The following ARHGAP21 variants were observed in gnomAD, a reference collection of about 807,000 sequenced individuals.
The protein encoded by ARHGAP21 is rho GTPase-activating protein 21.
In ARHGAP21, 38 loss-of-function variants were observed where a neutral mutation model predicts 164.6. That is an observed-to-expected ratio of 0.23 (90% CI 0.18 to 0.30). The LOEUF (loss-of-function observed/expected upper bound fraction) is 0.30, where lower values mean the gene tolerates loss of function less well. ARHGAP21 is among the 10% of genes least tolerant of loss of function. The probability of loss-of-function intolerance (pLI) is 1.00; values close to 1 mark genes in which losing one functional copy is unlikely to be tolerated. For missense variants in ARHGAP21, 1,822 were observed against 2,370.7 expected (o/e 0.77, Z 4.81); for synonymous variants, 766 against 857.9 (o/e 0.89, Z 1.87).
chr10:24,694,404 G>A (rs979353336), intron 2 of ARHGAP21, among the ~76,000 whole-genome samples: 22 of 152,328 alleles, frequency 1.4e-4, no homozygotes, highest in East Asian at 7.7e-4. Flanking sequence ...GTGGCTCCCC[G>A]TGCCTAGACT....
At chr10:24,682,323 T>G (rs868363741) in intron 2 of ARHGAP21, among the ~76,000 whole-genome samples, 2 of 152,214 alleles carry the variant, frequency 1.3e-5, no homozygotes, top group South Asian at 4.1e-4. Flanking sequence ...TGTGAGGAAT[T>G]TGTCAAAAAT....
rs558638555 is a variant in ARHGAP21, at chr10:24,721,606, G to A, written c.63+231C>T. ...CTCTGAGAAGGGGTGACCAAGATGA[G>A]GACATTCCAAACTGCGGGACATGTT... On this transcript the variant is annotated intron_variant, in intron 2 of 25. Coordinates refer to ENST00000396432, the MANE Select transcript of ARHGAP21 (RefSeq NM_020824.4). Among the ~76,000 whole-genome samples, 149 of 152,320 alleles carry A rather than the reference G, an allele frequency of 9.8e-4. 2 individuals carry two copies. In the South Asian group the frequency reaches 0.028, roughly 29 times the overall value.
intron 14 of ARHGAP21, 73 bp downstream of exon 14, chr10:24,600,568 TATATC>T (rs1267272470): frequency 1.6e-5 from 24 of 1,459,320 alleles, no homozygotes; most frequent in African/African-American, 1.3e-4. Context: ...ATAAAAATGA[TATATC>T]ATATTCCTTA....
chr10:24,668,971 AT>A (rs1565133303), intron 3 of ARHGAP21, among the ~76,000 whole-genome samples: 1 of 152,214 alleles, frequency 6.6e-6, no homozygotes, highest in African/African-American at 2.4e-5. Context: ...AAGTGCTCTC[AT>A]ATGTGACCTA....
At chr10:24,677,151 C>T (rs1050248337) in intron 2 of ARHGAP21, among the ~76,000 whole-genome samples, 44 of 152,222 alleles carry the variant, frequency 2.9e-4, no homozygotes, top group Middle Eastern at 3.4e-3. Context: ...ACCCAGGAGG[C>T]GGAGGTTGCA....
intron 2 of ARHGAP21, among the ~76,000 whole-genome samples, chr10:24,692,664 T>C (rs1842847101): frequency 6.6e-6 from 1 of 152,018 alleles, no homozygotes; most frequent in African/African-American, 2.4e-5. Context: ...GAACCCCATC[T>C]CTACTAAAAA....
intron 11 of ARHGAP21, among the ~76,000 whole-genome samples, chr10:24,606,370 A>C (rs983903038): frequency 5.2e-4 from 79 of 152,326 alleles, no homozygotes; most frequent in African/African-American, 1.8e-3. Context: ...AATAGTCAAA[A>C]AATATAAAAA....
chr10:24,603,248 G>A (rs909797632), intron 12 of ARHGAP21, among the ~76,000 whole-genome samples: 1 of 152,112 alleles, frequency 6.6e-6, no homozygotes, highest in African/African-American at 2.4e-5. Flanking sequence ...AGAAGGAAGA[G>A]CAAGAAAGTG....
At chr10:24,634,088 T>A (rs1836134046) in intron 5 of ARHGAP21, among the ~76,000 whole-genome samples, 1 of 151,944 alleles carries the variant, frequency 6.6e-6, no homozygotes, top group South Asian at 2.1e-4. Context: ...GTACTTTTTG[T>A]GTGCTTATCA....
rs144410501 is a variant in ARHGAP21, at chr10:24,709,770, C to CACA, written c.63+12064_63+12066dup. On this transcript the variant is annotated intron_variant, in intron 2 of 25. Transcript: ENST00000396432. The stretch of plus-strand genomic sequence containing the variant: ...AAAAAAAAAACAATCCAGACAAGGA[C>CACA]ACAACAACAACAACAACAACAACAA... Among the ~76,000 whole-genome samples the CACA allele has an allele frequency of 4.0e-3, 602 of 148,816 alleles. 2 individuals are homozygous for CACA. Among genetic ancestry groups the CACA allele is most frequent in the African/African-American group, 0.012 (473 of 40,494 alleles).
At chr10:24,690,470 T>C (rs910214133) in intron 2 of ARHGAP21, among the ~76,000 whole-genome samples, 1 of 152,168 alleles carries the variant, frequency 6.6e-6, no homozygotes, top group African/African-American at 2.4e-5. Flanking sequence ...TATTCTTTCA[T>C]TACTAGTGAG....
At position 24,584,022 on chromosome 10, in the gene ARHGAP21, A is replaced by G. The variant is rs753295763; in HGVS notation, c.*390T>C. On this transcript the variant is annotated 3_prime_UTR_variant, in exon 26 of 26. Coordinates refer to ENST00000396432, the MANE Select transcript of ARHGAP21 (RefSeq NM_020824.4). ...TTCGTTTATTCAATGTAAGTAAGTT[A>G]TCTAATTTTAACAATATGGCACCCT... 2 of 152,878 alleles carry G rather than the reference A, an allele frequency of 1.3e-5. No individual in the cohort carries two copies. The highest frequency in any genetic ancestry group is 2.9e-5 in the Non-Finnish European group (2 of 68,242). The allele number at this position is 152,878 out of a possible 1,614,324, so 9.5% of individuals were successfully genotyped here. A position where few individuals can be genotyped will look rare whatever the true frequency, so the allele number is the denominator to read the frequency against.
At chr10:24,589,581 T>C (rs1357052360) in intron 24 of ARHGAP21, 6 of 360,300 alleles carry the variant, frequency 1.7e-5, no homozygotes, top group Non-Finnish European at 3.0e-5. Flanking sequence ...TCGTGTTTAT[T>C]AGACTTTCTA....
At chr10:24,648,355 G>A (rs1287982604) in intron 4 of ARHGAP21, among the ~76,000 whole-genome samples, 1 of 152,190 alleles carries the variant, frequency 6.6e-6, no homozygotes, top group African/African-American at 2.4e-5. Context: ...TTCGAAAATT[G>A]TGAAACACCA....
chr10:24,616,206 A>G (rs1056155985), intron 9 of ARHGAP21, among the ~76,000 whole-genome samples: 2 of 152,252 alleles, frequency 1.3e-5, no homozygotes, highest in African/African-American at 4.8e-5. Context: ...TATAAAGATG[A>G]TAAGTACATG....
chr10:24,720,498 C>G (rs2132344902), intron 2 of ARHGAP21, among the ~76,000 whole-genome samples: 1 of 152,310 alleles, frequency 6.6e-6, no homozygotes. Flanking sequence ...TGCCTGCAAG[C>G]AGGTGTTTAC....
intron 9 of ARHGAP21, among the ~76,000 whole-genome samples, chr10:24,612,022 G>C (rs568454836): frequency 1.1e-4 from 16 of 152,302 alleles, no homozygotes; most frequent in Admixed American, 9.8e-4. Context: ...CTTCTAAGGT[G>C]AGCTGAGTTA....
At chr10:24,613,417 C>G (rs1473943100) in intron 9 of ARHGAP21, among the ~76,000 whole-genome samples, 1 of 152,108 alleles carries the variant, frequency 6.6e-6, no homozygotes, top group Non-Finnish European at 1.5e-5. Flanking sequence ...AATAATTAAG[C>G]TAATTATCGT....
rs754175580 is a variant in ARHGAP21 at position 24,602,101 on chromosome 10, G to A, written c.2724C>T (p.Ile908=). ...KHVSSLKGIK[I]ADSQKSSEDS... ...CTTCTGATGACTTTTGGCTGTCTGC[G>A]ATCTATAGAAAAGACCAAGAAAACA... Residue 908 remains isoleucine (I), a splice_region_variant and synonymous_variant, in exon 13 of 26, where the codon ATC becomes ATT. Coordinates refer to ENST00000396432, the MANE Select transcript of ARHGAP21 (RefSeq NM_020824.4). 22 of 1,612,586 alleles carry A rather than the reference G, an allele frequency of 1.4e-5. No individual in the cohort carries two copies. The highest frequency in any genetic ancestry group is 1.7e-4 in the Middle Eastern group (1 of 5,926).
Sources: gnomAD v4.1 joint callset for allele counts (sites outside exome capture counted in the v4.1 genomes callset) on GRCh38, gnomAD v4.1.1 for gene constraint, MANE v1.5 for transcripts, NCBI Gene and HGNC (gene_info 2026-07-23, HGNC 2026-07-21) for gene names.